The following CCDC77 variants were observed in gnomAD, a reference collection of about 807,000 sequenced individuals.
CCDC77 encodes the protein coiled-coil domain-containing protein 77.
In CCDC77, 56 loss-of-function variants were observed where a neutral mutation model predicts 66.8. The observed-to-expected ratio is 0.84, with a 90% confidence interval of 0.68 to 1.05. The LOEUF is 1.05. CCDC77 is among the 50% of genes least tolerant of loss of function. The probability of loss-of-function intolerance (pLI) is 0.00; values close to 1 mark genes in which losing one functional copy is unlikely to be tolerated. For missense variants in CCDC77, 570 were observed against 576.8 expected, an observed-to-expected ratio of 0.99 and a Z score of 0.12; for synonymous variants, 196 against 195.2, an observed-to-expected ratio of 1.00 and a Z score of -0.03.
Position 442,183 on chromosome 12 carries a change from C to G in CCDC77, c.*263C>G. 1 of 394,162 alleles carries G rather than the reference C, an allele frequency of 2.5e-6. No individual in the cohort carries two copies. Among genetic ancestry groups the G allele is most frequent in the East Asian group, 4.5e-5 (1 of 22,138 alleles). The allele number at this position is 394,162 out of a possible 1,614,324, so 24.4% of individuals were successfully genotyped here. On this transcript the variant is annotated 3_prime_UTR_variant, in exon 13 of 13. Coordinates refer to ENST00000239830, the MANE Select transcript of CCDC77 (RefSeq NM_032358.4). Reference sequence around the variant, plus strand: ...TGACTTGGAGGCTTTCATTATTTATCCTGTCTGTATTGACCGGTTTTTGTT... The same window carrying G: ...TGACTTGGAGGCTTTCATTATTTATGCTGTCTGTATTGACCGGTTTTTGTT...
At chr12:397,014 C>G (rs569752794), upstream of CCDC77, among the ~76,000 whole-genome samples, 24 of 152,240 alleles carry the variant, frequency 1.6e-4, 1 homozygote, top group African/African-American at 5.8e-4. Flanking sequence ...TCAAGCAATT[C>G]GCCTGCCTCA....
intron 2 of CCDC77, 143 bp from the exon 3 acceptor site, chr12:409,222 AAAG>A: frequency 1.1e-5 from 7 of 641,746 alleles, no homozygotes; most frequent in East Asian, 5.8e-5. Flanking sequence ...AAAAAAAAAA[AAAG>A]AAAAAAAAAA....
chr12:418,707 A>C (rs1344253890), intron 5 of CCDC77, 71 bp downstream of exon 5: 4 of 1,513,708 alleles, frequency 2.6e-6, no homozygotes, highest in Non-Finnish European at 3.6e-6. Context: ...TCATTCATTC[A>C]TTCATTGATT....
chr12:403,910 A>G (rs1452627044), intron 1 of CCDC77, among the ~76,000 whole-genome samples: 1 of 152,228 alleles, frequency 6.6e-6, no homozygotes, highest in African/African-American at 2.4e-5. Context: ...CGCACCAAGC[A>G]GGTGGGACTA....
exon 1 of CCDC77, chr12:389,424 C>G (rs1006271005): frequency 1.5e-4 from 76 of 493,600 alleles, no homozygotes; most frequent in Non-Finnish European, 2.7e-4. Flanking sequence ...CACAGTGTGG[C>G]TGTTTGTCTC....
At chr12:426,521 G>T (rs928821996) in intron 5 of CCDC77, among the ~76,000 whole-genome samples, 1 of 152,132 alleles carries the variant, frequency 6.6e-6, no homozygotes, top group African/African-American at 2.4e-5. Context: ...TGATCGTCTT[G>T]ACTGGGTAGG....
At position 439,518 on chromosome 12, in the gene CCDC77, T is replaced by C. The variant is rs151089178; in HGVS notation, c.1041+964T>C. ...CTGGGCGACAGAGTGGGACTCCATC[T>C]CAAAAAAAAAAAAGGACTTTGGGAG... On this transcript the variant is annotated intron_variant, in intron 10 of 12. Transcript: ENST00000239830. 1.5e-3 allele frequency among the ~76,000 whole-genome samples: 177 copies of C among 117,352 alleles called. 8 individuals carry two copies. In the East Asian group the frequency reaches 0.042, roughly 28 times the overall value. The allele number at this position is 117,352 out of a possible 152,430, so 77.0% of individuals were successfully genotyped here.
chr12:433,513 A>G, intron 9 of CCDC77, 191 bp downstream of exon 9: 3 of 1,353,866 alleles, frequency 2.2e-6, no homozygotes, highest in Non-Finnish European at 2.9e-6. Flanking sequence ...TGAAGAGCTG[A>G]TGAGTATTTC....
intron 4 of CCDC77, among the ~76,000 whole-genome samples, chr12:417,010 A>G (rs951165815): frequency 6.6e-6 from 1 of 151,966 alleles, no homozygotes; most frequent in Admixed American, 6.6e-5. Flanking sequence ...GTGGTGGCAC[A>G]TACCTGTAGT....
intron 5 of CCDC77, among the ~76,000 whole-genome samples, chr12:427,633 C>T (rs1300680917): frequency 2.0e-5 from 3 of 151,890 alleles, no homozygotes; most frequent in Non-Finnish European, 4.4e-5. Context: ...CGCCACCACG[C>T]CCAGATAAAT....
At position 436,278 on chromosome 12, in the gene CCDC77, C is replaced by T. The variant is rs111511247; in HGVS notation, c.822-2057C>T. 7.9e-5 allele frequency among the ~76,000 whole-genome samples: 12 copies of T among 151,778 alleles called. No individual in the cohort carries two copies. In the South Asian group the frequency reaches 1.0e-3, roughly 13 times the overall value. On this transcript the variant is annotated intron_variant, in intron 9 of 12. Transcript: ENST00000239830. The stretch of plus-strand genomic sequence containing the variant: ...GACTACAGGCGCCCACCACCACGCC[C>T]GGCTAATTTTTTTTTTTTAATTGTA...
intron 1 of CCDC77, among the ~76,000 whole-genome samples, chr12:402,004 T>A (rs900376109): frequency 1.3e-5 from 2 of 152,208 alleles, no homozygotes; most frequent in Non-Finnish European, 2.9e-5. Flanking sequence ...AGCTCTCAGT[T>A]TCCTCATTTG....
chr12:396,189 C>T (rs1381748711), intron 1 of CCDC77, among the ~76,000 whole-genome samples: 5 of 152,142 alleles, frequency 3.3e-5, no homozygotes, highest in Admixed American at 2.0e-4. Context: ...GTCAGGAGTT[C>T]GAGACCAGCC....
At chr12:430,536 C>A in intron 6 of CCDC77, 128 bp from the exon 7 acceptor site, 1 of 731,804 alleles carries the variant, frequency 1.4e-6, no homozygotes, top group Non-Finnish European at 2.5e-6. Flanking sequence ...ATGTGCATGA[C>A]ATCCTTATAT....
chr12:424,466 A>G (rs1945492473), intron 5 of CCDC77, among the ~76,000 whole-genome samples: 1 of 150,300 alleles, frequency 6.7e-6, no homozygotes, highest in African/African-American at 2.5e-5. Flanking sequence ...GGCATGCACC[A>G]CTATGCCTGG....
At chr12:404,090 G>A (rs1487612008) in intron 1 of CCDC77, among the ~76,000 whole-genome samples, 1 of 152,210 alleles carries the variant, frequency 6.6e-6, no homozygotes, top group Non-Finnish European at 1.5e-5. Context: ...GCAGAGGTGG[G>A]TGGATCATCT....
chr12:407,062 T>C (rs781483282), intron 2 of CCDC77, among the ~76,000 whole-genome samples: 64 of 152,172 alleles, frequency 4.2e-4, no homozygotes, highest in Non-Finnish European at 8.1e-4. Flanking sequence ...ATCCTATTAC[T>C]TGTGTGGCTG....
At chr12:416,483 C>G (rs1945288058) in intron 4 of CCDC77, among the ~76,000 whole-genome samples, 1 of 141,982 alleles carries the variant, frequency 7.0e-6, no homozygotes, top group African/African-American at 2.6e-5. Flanking sequence ...GGTGCCATCT[C>G]AGCTCCCTGC....
At chr12:395,595 G>C (rs1182730218) in intron 1 of CCDC77, among the ~76,000 whole-genome samples, 1 of 151,792 alleles carries the variant, frequency 6.6e-6, no homozygotes, top group Non-Finnish European at 1.5e-5. Flanking sequence ...AAATAATACA[G>C]ATTAAAAAAC....
Sources: gnomAD v4.1 joint callset for allele counts (sites outside exome capture counted in the v4.1 genomes callset) on GRCh38, gnomAD v4.1.1 for gene constraint, MANE v1.5 for transcripts, NCBI Gene and HGNC (gene_info 2026-07-23, HGNC 2026-07-21) for gene names.